MTOR: variants seen among roughly 807,000 people sequenced by gnomAD.
MTOR encodes mechanistic target of rapamycin kinase.
In MTOR, 70 loss-of-function variants were observed where a neutral mutation model predicts 319.8. The observed-to-expected ratio is 0.22, with a 90% CI of 0.18 to 0.27. The LOEUF (loss-of-function observed/expected upper bound fraction) is 0.27. MTOR is among the 10% of genes least tolerant of loss of function. MTOR has a pLI of 1.00. For synonymous variants in MTOR, 1,183 were observed against 1,211.4 expected, an observed-to-expected ratio of 0.98 and a Z score of 0.49; for missense variants, 1,890 against 3,274.4, an observed-to-expected ratio of 0.58 and a Z score of 10.32.
chr1:11,157,074 A>G (rs2100565737), intron 30 of MTOR, 78 bp downstream of exon 30: 2 of 1,482,138 alleles, frequency 1.3e-6, no homozygotes, highest in Non-Finnish European at 1.8e-6. Flanking sequence ...CGTGTGGGGG[A>G]AGCCTTCCTT....
intron 19 of MTOR, among the ~76,000 whole-genome samples, chr1:11,222,494 G>GC (rs1404256431): frequency 6.6e-6 from 1 of 152,118 alleles, no homozygotes; most frequent in African/African-American, 2.4e-5. Flanking sequence ...ACTGCGCCCA[G>GC]CCTAAAAAAA....
At chr1:11,249,830 A>G (rs1446611941) in intron 6 of MTOR, among the ~76,000 whole-genome samples, 2 of 150,538 alleles carry the variant, frequency 1.3e-5, no homozygotes, top group Non-Finnish European at 3.0e-5. Flanking sequence ...TTCTACACAG[A>G]CACGGCAACC....
chr1:11,111,483 G>GAAA (rs34258245), intron 54 of MTOR: 57 of 137,270 alleles, frequency 4.2e-4, no homozygotes, highest in Middle Eastern at 3.3e-3. Context: ...TCTGTCTCAA[G>GAAA]AAAAAAAAAA....
intron 36 of MTOR, chr1:11,138,984 C>T (rs1271676165): frequency 7.4e-6 from 2 of 269,292 alleles, no homozygotes; most frequent in Non-Finnish European, 6.9e-6. Context: ...TACAAATCTG[C>T]TCTTTTTTGT....
At chr1:11,175,840 G>A (rs1407350643) in intron 28 of MTOR, among the ~76,000 whole-genome samples, 1 of 151,402 alleles carries the variant, frequency 6.6e-6, no homozygotes, top group African/African-American at 2.4e-5. Context: ...TGCCTCCCAG[G>A]CTCAAGGATT....
At chr1:11,178,207 T>G (rs1414859694) in intron 28 of MTOR, among the ~76,000 whole-genome samples, 1 of 152,202 alleles carries the variant, frequency 6.6e-6, no homozygotes, top group African/African-American at 2.4e-5. Flanking sequence ...GGAATCCTAG[T>G]GCCCAGCCTC....
At chr1:11,153,434 T>C (rs1001246306) in intron 30 of MTOR, among the ~76,000 whole-genome samples, 1 of 152,218 alleles carries the variant, frequency 6.6e-6, no homozygotes, top group African/African-American at 2.4e-5. Flanking sequence ...TATTTATATG[T>C]AAATCCAATG....
At position 11,199,477 on chromosome 1, in the gene MTOR, CTT is replaced by C; in HGVS notation, c.4107+62_4107+63del. On this transcript the variant is annotated intron_variant, in intron 27 of 57. Transcript: ENST00000361445. This position sits in a 1 kb window ranked among gnomAD's most constrained non-coding sequence, Gnocchi z 4.5. ...CAAACAAGAGAAGGCTGTGTGGATG[CTT>C]CTCTCCTCCCACCAGCTGGTTCCCT... 6.2e-7 allele frequency: 1 copy of C among 1,613,482 alleles called. No homozygotes were observed. The highest frequency in any genetic ancestry group is 8.5e-7 in the Non-Finnish European group (1 of 1,179,422).
intron 10 of MTOR, among the ~76,000 whole-genome samples, chr1:11,241,341 A>T (rs1160281511): frequency 2.6e-5 from 4 of 151,218 alleles, no homozygotes; most frequent in African/African-American, 7.3e-5. Flanking sequence ...AAAAAAAAAA[A>T]TGAGGCTCGG....
intron 25 of MTOR, 81 bp downstream of exon 25, chr1:11,209,231 C>T: frequency 1.9e-6 from 3 of 1,546,602 alleles, no homozygotes; most frequent in Non-Finnish European, 2.6e-6. Context: ...TTTCGGTTGC[C>T]CAGTTTAAAC....
chr1:11,202,295 C>T (rs1645997050), intron 26 of MTOR, among the ~76,000 whole-genome samples: 1 of 146,102 alleles, frequency 6.8e-6, no homozygotes. Context: ...CAGGTGTGCA[C>T]CTGTAGTCCC....
intron 28 of MTOR, among the ~76,000 whole-genome samples, chr1:11,178,730 G>T (rs1645061406): frequency 6.6e-6 from 1 of 152,238 alleles, no homozygotes; most frequent in African/African-American, 2.4e-5. Flanking sequence ...GAGCAAAAGG[G>T]GTGGGCTGAT....
At chr1:11,148,033 A>C (rs985335181) in intron 31 of MTOR, among the ~76,000 whole-genome samples, 2 of 152,218 alleles carry the variant, frequency 1.3e-5, no homozygotes, top group Non-Finnish European at 2.9e-5. Flanking sequence ...ATTATACTAT[A>C]ATCTTCACTG....
chr1:11,238,734 ATTG>A, intron 11 of MTOR, 117 bp from the exon 12 acceptor site: 1 of 763,968 alleles, frequency 1.3e-6, no homozygotes, highest in Non-Finnish European at 2.1e-6. Context: ...TCAACTAGAT[ATTG>A]ATCAATACGA....
chr1:11,214,906 T>G (rs1233410798), intron 20 of MTOR, among the ~76,000 whole-genome samples: 1 of 152,212 alleles, frequency 6.6e-6, no homozygotes, highest in Middle Eastern at 3.4e-3. Flanking sequence ...CACAGGGGCT[T>G]CTCTACCTCA....
At position 11,126,630 on chromosome 1, in the gene MTOR, G is replaced by A; in HGVS notation, c.6518C>T (p.Thr2173Ile). The A allele has an allele frequency of 1.2e-6, 2 of 1,614,006 alleles. No homozygotes were observed. The highest frequency in any genetic ancestry group is 1.7e-6 in the Non-Finnish European group (2 of 1,179,998). The change falls in exon 46 of 58, where the codon ACA becomes ATA. Residue 2173 changes from threonine to isoleucine, a missense_variant. Physicochemically the swap from Thr to Ile is moderately conservative, Grantham distance 89. This residue lies in a region of MTOR where 249 missense variants were observed against 596.2 expected (regional missense o/e 0.42). Coordinates refer to ENST00000361445, the MANE Select transcript of MTOR (RefSeq NM_004958.4). ...TGCACAATGGTCCTTACCCATAAGT[G>A]TCAATTTCCGGGGCCTCTGCTTGGA... ...ITSKQRPRKL[T>I]LMGSNGHEFV...
intron 16 of MTOR, among the ~76,000 whole-genome samples, chr1:11,231,948 G>T (rs190656080): frequency 6.6e-6 from 1 of 152,138 alleles, no homozygotes; most frequent in East Asian, 1.9e-4. Flanking sequence ...TCGCTCTGGA[G>T]CTCAAGCAAT....
At chr1:11,259,686 T>C (rs1328533049) in intron 1 of MTOR, among the ~76,000 whole-genome samples, 1 of 152,170 alleles carries the variant, frequency 6.6e-6, no homozygotes, top group Non-Finnish European at 1.5e-5. Flanking sequence ...TTGGGTTATA[T>C]ACCTTGAGCA....
rs1643905496 is a variant in MTOR at position 11,145,646 on chromosome 1, GGC to G, written c.4687-603_4687-602del. ...AAGTAGCTGGGATGCTGGGGTTACA[GGC>G]GCCCGCCACCACGCCCAGCTAATTT... On this transcript the variant is annotated intron_variant, in intron 32 of 57. Coordinates refer to ENST00000361445, the MANE Select transcript of MTOR (RefSeq NM_004958.4). Among the ~76,000 whole-genome samples the G allele has an allele frequency of 4.6e-5, 7 of 152,096 alleles. No homozygotes were observed. The South Asian group carries it at 1.2e-3, about 27-fold the overall frequency.
Sources: gnomAD v4.1 joint callset for allele counts (sites outside exome capture counted in the v4.1 genomes callset) on GRCh38, gnomAD v4.1.1 for gene constraint, gnomAD v4.1.1 regional missense constraint, Gnocchi (gnomAD v3.1) non-coding constraint, MANE v1.5 for transcripts, NCBI Gene and HGNC (gene_info 2026-07-23, HGNC 2026-07-21) for gene names.